The following ZBTB7C variants were observed in gnomAD, a reference collection of about 807,000 sequenced individuals.
The protein encoded by ZBTB7C is zinc finger and BTB domain containing 7C.
A neutral mutation model predicts 25.7 loss-of-function variants in ZBTB7C; 8 were observed. The ratio of observed to expected loss-of-function variants is 0.31; its 90% CI spans 0.18 to 0.56. ZBTB7C has a LOEUF of 0.56. Among genes scored for constraint, ZBTB7C ranks in the 20% least tolerant of loss-of-function variants. ZBTB7C has a pLI of 0.91. For missense variants in ZBTB7C, 824 were observed against 855.2 expected (o/e 0.96, Z 0.46); for synonymous variants, 394 against 369.0 (o/e 1.07, Z -0.78).
At chr18:48,189,366 AT>A (rs1219997314) in intron 2 of ZBTB7C, among the ~76,000 whole-genome samples, 2 of 151,846 alleles carry the variant, frequency 1.3e-5, no homozygotes, top group Non-Finnish European at 2.9e-5. Context: ...TATGCCCTGG[AT>A]TTTTTTTCTT....
chr18:48,041,100 T>C lies in ZBTB7C; in HGVS notation c.8A>G (p.Asn3Ser). The stretch of plus-strand genomic sequence containing the variant: ...AATGCCAATGAGCTCATCAATGTCA[T>C]TGGCCATGTTCTCAGCCAGAGCCCT... MA[N>S]DIDELIGIPF... Residue 3 changes from asparagine (N) to serine (S), a missense_variant, in exon 4 of 5, where the codon AAT becomes AGT. Coordinates refer to ENST00000590800, the MANE Select transcript of ZBTB7C (RefSeq NM_001318841.2). 1 of 1,597,640 alleles carries C rather than the reference T, an allele frequency of 6.3e-7. No individual in the cohort carries two copies. The highest frequency in any genetic ancestry group is 1.1e-5 in the South Asian group (1 of 89,824).
intron 3 of ZBTB7C, among the ~76,000 whole-genome samples, chr18:48,124,424 T>G (rs1413530334): frequency 1.3e-5 from 2 of 152,228 alleles, no homozygotes; most frequent in African/African-American, 2.4e-5. Flanking sequence ...CATGGTGTTT[T>G]GTTACTAATT....
intron 3 of ZBTB7C, among the ~76,000 whole-genome samples, chr18:48,096,486 T>C (rs1344639620): frequency 6.6e-6 from 1 of 152,196 alleles, no homozygotes; most frequent in Non-Finnish European, 1.5e-5. Context: ...TAGTTTTTCT[T>C]TTCTTTTAAA....
intron 3 of ZBTB7C, among the ~76,000 whole-genome samples, chr18:48,182,184 T>G (rs2041944442): frequency 6.6e-6 from 1 of 152,192 alleles, no homozygotes; most frequent in African/African-American, 2.4e-5. Flanking sequence ...AAATGAGATT[T>G]TTTTTCATTG....
intron 3 of ZBTB7C, among the ~76,000 whole-genome samples, chr18:48,176,263 A>C (rs2041673887): frequency 6.6e-6 from 1 of 152,220 alleles, no homozygotes; most frequent in Non-Finnish European, 1.5e-5. Context: ...CAACATGAGG[A>C]ATATACTGTC....
chr18:48,241,034 T>A (rs570181607), intron 2 of ZBTB7C, among the ~76,000 whole-genome samples: 45 of 151,844 alleles, frequency 3.0e-4, no homozygotes, highest in African/African-American at 1.0e-3. Context: ...ACACCAAAAA[T>A]GAGCAGGAGT....
In ZBTB7C at chr18:48,144,564, G is replaced by A. The variant is rs990018807; in HGVS notation, c.-17+41370C>T. 1.5e-4 allele frequency among the ~76,000 whole-genome samples: 23 copies of A among 151,944 alleles called. 1 individual carries two copies. Among genetic ancestry groups the A allele is most frequent in the African/African-American group, 5.3e-4 (22 of 41,360 alleles). On this transcript the variant is annotated intron_variant, in intron 3 of 4. Transcript: ENST00000590800. ...TTTTGTTATGTTACCCAGGTTGGTG[G>A]CAAACTCCTGAACTCAAGCCATCTG...
At chr18:48,083,174 T>A (rs1318248617) in intron 3 of ZBTB7C, among the ~76,000 whole-genome samples, 1 of 152,180 alleles carries the variant, frequency 6.6e-6, no homozygotes, top group East Asian at 1.9e-4. Context: ...TCTATTCTTC[T>A]TTTCTTTTTT....
chr18:48,380,178 G>A (rs1407656302), intron 1 of ZBTB7C, among the ~76,000 whole-genome samples: 2 of 152,156 alleles, frequency 1.3e-5, no homozygotes, highest in African/African-American at 4.8e-5. Context: ...GAAGAGGTCA[G>A]GGAATAAGGT....
intron 3 of ZBTB7C, among the ~76,000 whole-genome samples, chr18:48,177,123 A>C (rs1013639787): frequency 6.6e-6 from 1 of 152,238 alleles, no homozygotes; most frequent in Non-Finnish European, 1.5e-5. Flanking sequence ...CAGAGCTGAG[A>C]GCTGTCTACA....
rs567698374 is a variant in ZBTB7C at position 48,266,813 on chromosome 18, AT to A, written c.-79+71360del. On this transcript the variant is annotated intron_variant, in intron 2 of 4. Coordinates refer to ENST00000590800, the MANE Select transcript of ZBTB7C (RefSeq NM_001318841.2). Reference sequence around the variant, plus strand: ...TGTTACAGGTAGCTATATAGAATGGATTTTTTTTTTTTAGTTTTATGTGTAG... The same window carrying A: ...TGTTACAGGTAGCTATATAGAATGGATTTTTTTTTTTAGTTTTATGTGTAG... Among the ~76,000 whole-genome samples, 853 of 146,766 alleles carry A rather than the reference AT, an allele frequency of 5.8e-3. 8 individuals are homozygous for A. The highest frequency in any genetic ancestry group is 0.013 in the East Asian group (68 of 5,042).
chr18:48,245,474 A>T (rs1192693941), intron 2 of ZBTB7C, among the ~76,000 whole-genome samples: 13 of 151,152 alleles, frequency 8.6e-5, no homozygotes, highest in African/African-American at 3.2e-4. Context: ...CTATTGAAAT[A>T]AAAAAATAGA....
intron 1 of ZBTB7C, among the ~76,000 whole-genome samples, chr18:48,375,256 C>T (rs1160177803): frequency 6.6e-6 from 1 of 152,246 alleles, no homozygotes; most frequent in Admixed American, 6.5e-5. Context: ...CAGTCTCTCC[C>T]CGCCTGGTGT....
intron 2 of ZBTB7C, among the ~76,000 whole-genome samples, chr18:48,277,325 A>G (rs2044691262): frequency 6.7e-6 from 1 of 148,956 alleles, no homozygotes; most frequent in South Asian, 2.2e-4. Flanking sequence ...CCCCATCAAA[A>G]AGTGGGCGAA....
At chr18:48,270,227 CT>C (rs1400019637) in intron 2 of ZBTB7C, among the ~76,000 whole-genome samples, 2 of 150,328 alleles carry the variant, frequency 1.3e-5, no homozygotes, top group Non-Finnish European at 3.0e-5. Context: ...TTACCAAAAC[CT>C]AAACCTAGTT....
chr18:48,322,473 A>G (rs759583347), intron 2 of ZBTB7C, among the ~76,000 whole-genome samples: 32 of 152,242 alleles, frequency 2.1e-4, no homozygotes, highest in Admixed American at 2.0e-3. Flanking sequence ...GGCAAGAACC[A>G]TGTCAGCACT....
chr18:48,058,129 T>C (rs962949740), intron 3 of ZBTB7C, among the ~76,000 whole-genome samples: 4 of 152,248 alleles, frequency 2.6e-5, no homozygotes, highest in Admixed American at 6.5e-5. Flanking sequence ...CTGCAAATGA[T>C]GATAATCACA....
intron 3 of ZBTB7C, chr18:48,185,177 AT>A (rs2042025893): frequency 3.2e-6 from 1 of 315,452 alleles, no homozygotes; most frequent in African/African-American, 2.2e-5. Flanking sequence ...CCACATAGGC[AT>A]CCACCCCTGT....
chr18:48,385,760 T>C (rs2047732680), intron 1 of ZBTB7C, among the ~76,000 whole-genome samples: 1 of 152,192 alleles, frequency 6.6e-6, no homozygotes, highest in South Asian at 2.1e-4. Context: ...CGAGTCGTGA[T>C]TTGTGGTTTC....
Sources: allele counts gnomAD v4.1 joint callset (sites outside exome capture counted in the v4.1 genomes callset), GRCh38; gene constraint gnomAD v4.1.1; transcripts MANE v1.5; gene names NCBI Gene and HGNC (gene_info 2026-07-23, HGNC 2026-07-21).